PALM: variants seen among roughly 807,000 people sequenced by gnomAD.
PALM encodes the protein paralemmin-1.
A neutral mutation model predicts 30.7 loss-of-function variants in PALM; 18 were observed. The observed-to-expected ratio is 0.59, with a 90% CI of 0.41 to 0.87. PALM has a LOEUF of 0.87. Ranked by LOEUF, PALM falls within the 40% of genes least tolerant of loss-of-function variation. PALM has a pLI of 0.00. For synonymous variants in PALM, 286 were observed against 242.8 expected (o/e 1.18, Z -1.66); for missense variants, 529 against 555.4 (o/e 0.95, Z 0.48).
chr19:713,583 TTTTG>T (rs888203119), intron 1 of PALM, among the ~76,000 whole-genome samples: 4 of 152,212 alleles, frequency 2.6e-5, no homozygotes, highest in South Asian at 2.1e-4. Context: ...CTTATGTTCT[TTTTG>T]TTTGTTTGTT....
At chr19:744,324 C>G (rs1005952012) in intron 8 of PALM, among the ~76,000 whole-genome samples, 1 of 149,000 alleles carries the variant, frequency 6.7e-6, no homozygotes, top group African/African-American at 2.5e-5. Flanking sequence ...GGCGTGAACC[C>G]GGGAAGCAGA....
intron 5 of PALM, among the ~76,000 whole-genome samples, chr19:731,629 G>A (rs892623962): frequency 1.8e-4 from 27 of 152,196 alleles, no homozygotes; most frequent in African/African-American, 6.0e-4. Flanking sequence ...AGGGCTCAGG[G>A]AGCAGCAGGA....
intron 7 of PALM, among the ~76,000 whole-genome samples, chr19:739,184 G>A (rs142527467): frequency 3.4e-4 from 52 of 152,206 alleles, no homozygotes; most frequent in African/African-American, 1.2e-3. Context: ...CTGATGAGTA[G>A]CAAGTTCGAC....
chr19:718,586 A>G (rs34318529), intron 1 of PALM, among the ~76,000 whole-genome samples: 16,819 of 152,028 alleles, frequency 0.11, 1,243 homozygotes, highest in East Asian at 0.32. Flanking sequence ...GCTTCTCTGC[A>G]TCTGTGGCCT....
At position 731,259 on chromosome 19, in the gene PALM, T is replaced by G. The variant is rs2144893470; in HGVS notation, c.420+14T>G. On this transcript the variant is annotated intron_variant, in intron 5 of 8. Coordinates refer to ENST00000338448, the MANE Select transcript of PALM (RefSeq NM_002579.3). ...AATTCACAGCAGGTAAGGGGGTGAC[T>G]GGGGGGAGCGGATCCCCAGGCACCC... is the stretch of plus-strand genomic sequence containing the variant. 1.3e-6 allele frequency: 2 copies of G among 1,587,436 alleles called. No homozygotes were observed. The highest frequency in any genetic ancestry group is 2.3e-5 in the South Asian group (2 of 88,274).
At chr19:744,898 C>A (rs369734807) in intron 8 of PALM, among the ~76,000 whole-genome samples, 54 of 52,086 alleles carry the variant, frequency 1.0e-3, no homozygotes, top group South Asian at 1.8e-3. Flanking sequence ...AAAAAAAAAG[C>A]AGCAGGCACG....
chr19:709,231 G>T lies in PALM; in HGVS notation c.5+80G>T. ...GGAGGGGGGAGGCCCCCTCTCTCGC[G>T]CCCCATTGGGGGCGTCGCTGCCCCC... is the stretch of plus-strand genomic sequence containing the variant. On this transcript the variant is annotated intron_variant, in intron 1 of 8. Coordinates refer to ENST00000338448, the MANE Select transcript of PALM (RefSeq NM_002579.3). This position sits in a 1 kb window ranked among gnomAD's most constrained non-coding sequence, Gnocchi z 4.3. 6.8e-6 allele frequency: 2 copies of T among 295,238 alleles called. No homozygotes were observed. Among genetic ancestry groups the T allele is most frequent in the Non-Finnish European group, 1.3e-5 (2 of 159,134 alleles). 18.3% of individuals were successfully genotyped at this position (295,238 alleles called of 1,614,324 possible).
In PALM at chr19:746,380, C is replaced by A; in HGVS notation, c.730C>A (p.Leu244Met). ...CATCCACAAAGCGGACGAGGTCACG[C>A]TGAGCGAGGCAGGGTCCACGGCCGG... Reference protein sequence around the residue: ...ELIHKADEVTLSEAGSTAGAA... With the variant: ...ELIHKADEVTMSEAGSTAGAA... The change falls in exon 9 of 9, where the codon CTG (leucine) becomes ATG (methionine). Residue 244 changes from leucine (L) to methionine (M), a missense_variant. Transcript: ENST00000338448. This position sits in a 1 kb window ranked among gnomAD's most constrained non-coding sequence, Gnocchi z 7.1. The A allele has an allele frequency of 6.2e-7, 1 of 1,613,364 alleles. No homozygotes were observed. Among genetic ancestry groups the A allele is most frequent in the East Asian group, 2.2e-5 (1 of 44,854 alleles).
At chr19:725,240 C>T (rs531532104) in intron 1 of PALM, among the ~76,000 whole-genome samples, 99 of 152,058 alleles carry the variant, frequency 6.5e-4, no homozygotes, top group African/African-American at 2.2e-3. Context: ...GAGGCTACAG[C>T]TGCACTGGGT....
rs561827471 is a variant in PALM at position 719,072 on chromosome 19, C to T, written c.6-7066C>T. The T allele has an allele frequency of 6.4e-4, 632 of 980,274 alleles. 5 individuals are homozygous for T. Among genetic ancestry groups the T allele is most frequent in the Middle Eastern group, 1.6e-3 (3 of 1,902 alleles). 60.7% of individuals were successfully genotyped at this position (980,274 alleles called of 1,614,324 possible). Reference sequence around the variant, plus strand: ...TGGCCAAGGTCACCGTCAGCTCTTTCCTTTCAATTAGCAGCAGGAATGTTC... The same window carrying T: ...TGGCCAAGGTCACCGTCAGCTCTTTTCTTTCAATTAGCAGCAGGAATGTTC... On this transcript the variant is annotated intron_variant, in intron 1 of 8. Transcript: ENST00000338448.
intron 7 of PALM, 67 bp from the exon 8 acceptor site, chr19:740,285 G>T: frequency 6.8e-7 from 1 of 1,473,848 alleles, no homozygotes; most frequent in Non-Finnish European, 9.1e-7. Context: ...CCCTGGCTTG[G>T]CCGCAGCCCG....
intron 4 of PALM, among the ~76,000 whole-genome samples, chr19:730,859 G>C (rs1174257705): frequency 1.3e-5 from 2 of 151,988 alleles, no homozygotes; most frequent in Non-Finnish European, 2.9e-5. Context: ...AAATTAGCTG[G>C]GTGTGGTGGT....
intron 1 of PALM, among the ~76,000 whole-genome samples, chr19:724,730 C>T (rs1309450446): frequency 6.6e-6 from 1 of 152,126 alleles, no homozygotes; most frequent in Non-Finnish European, 1.5e-5. Context: ...AGTCCTCCCA[C>T]CTTAGCCTCC....
chr19:746,412 A>G lies in PALM; in HGVS notation c.762A>G (p.Ala254=), dbSNP rs1458533276. 1 of 1,611,960 alleles carries G rather than the reference A, an allele frequency of 6.2e-7. No homozygotes were observed. Among genetic ancestry groups the G allele is most frequent in the Admixed American group, 1.7e-5 (1 of 59,882 alleles). The change falls in exon 9 of 9, where the codon GCA becomes GCG. Residue 254 remains alanine, a synonymous_variant. Transcript: ENST00000338448. This position sits in a 1 kb window ranked among gnomAD's most constrained non-coding sequence, Gnocchi z 7.1. ...AGGCAGGGTCCACGGCCGGGGCGGC[A>G]GAGACCCGGGGGGCTGTGGAGGGGG... ...LSEAGSTAGA[A]ETRGAVEGAA... is the part of the protein sequence containing the mutation.
intron 8 of PALM, among the ~76,000 whole-genome samples, chr19:741,902 A>G (rs2033207427): frequency 6.6e-6 from 1 of 152,112 alleles, no homozygotes; most frequent in Non-Finnish European, 1.5e-5. Context: ...CCCGCAGTGC[A>G]GCGATGCCAT....
At chr19:735,807 C>G (rs2033006572) in intron 6 of PALM, among the ~76,000 whole-genome samples, 2 of 140,116 alleles carry the variant, frequency 1.4e-5, no homozygotes, top group Non-Finnish European at 3.1e-5. Context: ...GTCCGGGTGT[C>G]TGGGTGGGAT....
At position 746,852 on chromosome 19, in the gene PALM, A is replaced by C; in HGVS notation, c.*38A>C. On this transcript the variant is annotated 3_prime_UTR_variant, in exon 9 of 9. Transcript: ENST00000338448. The surrounding 1 kb of genome is among the most constrained non-coding windows in gnomAD (Gnocchi z 7.1). ...GACCCCGGCCCCCACCCCACACCAC[A>C]GACACCCACCAGCCCGGCCCCTCCC... The C allele has an allele frequency of 8.1e-7, 1 of 1,236,918 alleles. No homozygotes were observed. Among genetic ancestry groups the C allele is most frequent in the Non-Finnish European group, 1.1e-6 (1 of 923,050 alleles). 76.6% of individuals were successfully genotyped at this position (1,236,918 alleles called of 1,614,324 possible).
intron 1 of PALM, among the ~76,000 whole-genome samples, chr19:710,692 CGG>C (rs34447677): frequency 6.9e-6 from 1 of 145,484 alleles, no homozygotes; most frequent in South Asian, 2.2e-4. Flanking sequence ...CACCTGGGGC[CGG>C]GGGGCCTCGG....
chr19:747,188 G>T lies in PALM; in HGVS notation c.*374G>T. On this transcript the variant is annotated 3_prime_UTR_variant, in exon 9 of 9. Transcript: ENST00000338448. The stretch of plus-strand genomic sequence containing the variant: ...CCCAGGCCAGCCTGCCACCCTCTGG[G>T]CCTCCTACCTGTGCCTTTCTCTGAG... The T allele has an allele frequency of 4.8e-6, 1 of 210,076 alleles. No homozygotes were observed. The highest frequency in any genetic ancestry group is 9.5e-6 in the Non-Finnish European group (1 of 105,044). The allele number at this position is 210,076 out of a possible 1,614,324, so 13.0% of individuals were successfully genotyped here.
Sources: gnomAD v4.1 joint callset for allele counts (sites outside exome capture counted in the v4.1 genomes callset) on GRCh38, gnomAD v4.1.1 for gene constraint, Gnocchi (gnomAD v3.1) non-coding constraint, MANE v1.5 for transcripts, NCBI Gene and HGNC (gene_info 2026-07-23, HGNC 2026-07-21) for gene names.